Variants in CNTN4 observed in about 807,000 individuals in gnomAD.
CNTN4 encodes the protein contactin 4.
Under a neutral mutation model 122.5 loss-of-function variants are expected in CNTN4, and 77 were observed. That is an observed-to-expected ratio of 0.63 (90% CI 0.52 to 0.76). The LOEUF is 0.76. CNTN4 is among the 30% of genes least tolerant of loss of function. The probability of loss-of-function intolerance (pLI) is 0.00; values close to 1 mark genes in which losing one functional copy is unlikely to be tolerated. For missense variants in CNTN4, 1,256 were observed against 1,259.1 expected (o/e 1.00, Z 0.04); for synonymous variants, 512 against 447.0 (o/e 1.15, Z -1.83).
chr3:2,342,705 TG>T (rs1291944940), intron 3 of CNTN4, among the ~76,000 whole-genome samples: 3 of 152,228 alleles, frequency 2.0e-5, no homozygotes, highest in Admixed American at 6.5e-5. Flanking sequence ...AGAAGGACTT[TG>T]TTGGCTTCTC....
chr3:2,114,963 A>C (rs1484734231), intron 2 of CNTN4, among the ~76,000 whole-genome samples: 1 of 152,216 alleles, frequency 6.6e-6, no homozygotes, highest in African/African-American at 2.4e-5. Flanking sequence ...TGATATTGTC[A>C]TGGACATTTA....
chr3:2,679,155 A>G (rs1320605003), intron 4 of CNTN4, among the ~76,000 whole-genome samples: 1 of 152,088 alleles, frequency 6.6e-6, no homozygotes. Context: ...CTATCTGTCA[A>G]ATGTTTCTTA....
At chr3:2,487,467 C>CA (rs1484282883) in intron 3 of CNTN4, among the ~76,000 whole-genome samples, 7 of 152,192 alleles carry the variant, frequency 4.6e-5, no homozygotes, top group Non-Finnish European at 8.8e-5. Context: ...CACCCCACAA[C>CA]AATTATTTGT....
In CNTN4 at chr3:2,591,454, T is replaced by C. The variant is rs372679896; in HGVS notation, c.55+19896T>C. On this transcript the variant is annotated intron_variant, in intron 4 of 24. Coordinates refer to ENST00000418658, the MANE Select transcript of CNTN4 (RefSeq NM_175607.3). ...ATCTCGGCTCACTGCAAGCTCCGCC[T>C]CCCGGGTTCACGCCATTCTCCGGCC... 1.7e-3 allele frequency among the ~76,000 whole-genome samples: 78 copies of C among 45,790 alleles called. 11 individuals are homozygous for C. Among genetic ancestry groups the C allele is most frequent in the African/African-American group, 4.9e-3 (64 of 13,122 alleles). The allele number at this position is 45,790 out of a possible 152,430, so 30.0% of individuals were successfully genotyped here.
At position 2,735,118 on chromosome 3, in the gene CNTN4, G is replaced by T. The variant is rs1157692834; in HGVS notation, c.56-1097G>T. Among the ~76,000 whole-genome samples, 5 of 152,086 alleles carry T rather than the reference G, an allele frequency of 3.3e-5. No individual in the cohort carries two copies. In the East Asian group the frequency reaches 9.6e-4, roughly 29 times the overall value. ...TTCAAAGAGCTTATAATCCAAACAA[G>T]GGAAAATAAAGTGTACTCTATGTTA... On this transcript the variant is annotated intron_variant, in intron 4 of 24. Transcript: ENST00000418658.
intron 6 of CNTN4, among the ~76,000 whole-genome samples, chr3:2,778,242 A>T (rs901838331): frequency 5.2e-5 from 7 of 135,750 alleles, no homozygotes; most frequent in African/African-American, 1.8e-4. Context: ...ATAAATAAAT[A>T]AATAAATAAA....
intron 13 of CNTN4, among the ~76,000 whole-genome samples, chr3:2,973,925 G>T (rs1449784067): frequency 6.6e-6 from 1 of 152,162 alleles, no homozygotes; most frequent in Non-Finnish European, 1.5e-5. Context: ...TGAAATAGAT[G>T]TGTGTTTCAC....
chr3:2,548,237 G>T (rs535851427), intron 3 of CNTN4, among the ~76,000 whole-genome samples: 1 of 152,262 alleles, frequency 6.6e-6, no homozygotes, highest in African/African-American at 2.4e-5. Context: ...TTTTAGTCAT[G>T]AAGTGTTTGC....
chr3:2,466,970 C>CTTTTTTTTT (rs60879017), intron 3 of CNTN4, among the ~76,000 whole-genome samples: 404 of 115,714 alleles, frequency 3.5e-3, no homozygotes, highest in Middle Eastern at 0.017. Context: ...TTCTTTCTTT[C>CTTTTTTTTT]TTTTTTTTTT....
chr3:2,996,010 T>A (rs1429669996), intron 14 of CNTN4, among the ~76,000 whole-genome samples: 1 of 152,172 alleles, frequency 6.6e-6, no homozygotes, highest in Non-Finnish European at 1.5e-5. Flanking sequence ...ATTTAATATA[T>A]TGTATGATTA....
chr3:2,703,292 G>A lies in CNTN4; in HGVS notation c.56-32923G>A, dbSNP rs370674326. 3.3e-5 allele frequency among the ~76,000 whole-genome samples: 5 copies of A among 152,156 alleles called. No individual in the cohort carries two copies. In the South Asian group the frequency reaches 1.0e-3, roughly 32 times the overall value. On this transcript the variant is annotated intron_variant, in intron 4 of 24. Coordinates refer to ENST00000418658, the MANE Select transcript of CNTN4 (RefSeq NM_175607.3). Reference sequence around the variant, plus strand: ...GAGTACATAAATTAGACATGTTATGGTACAGTATGAGTATATATTGCAATG... The same window carrying A: ...GAGTACATAAATTAGACATGTTATGATACAGTATGAGTATATATTGCAATG...
chr3:2,564,576 C>G (rs962541703), intron 3 of CNTN4, among the ~76,000 whole-genome samples: 4 of 152,092 alleles, frequency 2.6e-5, no homozygotes, highest in South Asian at 2.1e-4. Flanking sequence ...TCCTTAAAAA[C>G]AATCTGGCCC....
At chr3:2,643,683 G>T (rs542410555) in intron 4 of CNTN4, among the ~76,000 whole-genome samples, 38 of 152,294 alleles carry the variant, frequency 2.5e-4, no homozygotes, top group African/African-American at 8.9e-4. Context: ...TTCAGATAGT[G>T]ATAGGAGCTA....
chr3:2,594,416 CTTT>C (rs36010353), intron 4 of CNTN4, among the ~76,000 whole-genome samples: 128 of 103,542 alleles, frequency 1.2e-3, no homozygotes, highest in Middle Eastern at 5.2e-3. Flanking sequence ...TAAAATGGAT[CTTT>C]TTTTTTTTTT....
intron 2 of CNTN4, among the ~76,000 whole-genome samples, chr3:2,164,248 C>G (rs558143676): frequency 6.6e-6 from 1 of 151,490 alleles, no homozygotes; most frequent in East Asian, 1.9e-4. Flanking sequence ...AAAACAACAA[C>G]AAAGTATACC....
At chr3:2,191,793 A>G (rs930301893) in intron 2 of CNTN4, among the ~76,000 whole-genome samples, 19 of 152,050 alleles carry the variant, frequency 1.2e-4, no homozygotes, top group Non-Finnish European at 2.5e-4. Flanking sequence ...GGTTTGTTAC[A>G]TATGTATGCA....
intron 6 of CNTN4, among the ~76,000 whole-genome samples, chr3:2,805,998 T>C (rs2092459421): frequency 6.6e-6 from 1 of 151,978 alleles, no homozygotes; most frequent in Admixed American, 6.6e-5. Context: ...ATCTCCCGGG[T>C]TCACGCCATT....
chr3:2,854,461 C>T (rs922596250), intron 7 of CNTN4, among the ~76,000 whole-genome samples: 14 of 151,440 alleles, frequency 9.2e-5, no homozygotes, highest in Admixed American at 6.6e-5. Flanking sequence ...TTGGTAGAGA[C>T]GGGGTTTCTC....
At chr3:2,586,135 A>G (rs111610961) in intron 4 of CNTN4, among the ~76,000 whole-genome samples, 2,108 of 152,234 alleles carry the variant, frequency 0.014, 44 homozygotes, top group African/African-American at 0.048. Context: ...AATTGGGTCA[A>G]GTAAGTGGCT....
Sources: allele counts gnomAD v4.1 joint callset (sites outside exome capture counted in the v4.1 genomes callset), GRCh38; gene constraint gnomAD v4.1.1; transcripts MANE v1.5; gene names NCBI Gene and HGNC (gene_info 2026-07-23, HGNC 2026-07-21).